ZNF385D: variants seen among roughly 807,000 people sequenced by gnomAD.
ZNF385D encodes the protein zinc finger protein 385D.
In ZNF385D, 15 loss-of-function variants were observed where a neutral mutation model predicts 35.8. The ratio of observed to expected loss-of-function variants is 0.42; its 90% CI spans 0.28 to 0.64. The LOEUF (loss-of-function observed/expected upper bound fraction) is 0.64. ZNF385D is among the 30% of genes least tolerant of loss of function. The pLI is 0.23. For synonymous variants in ZNF385D, 212 were observed against 186.8 expected (o/e 1.13, Z -1.10); for missense variants, 474 against 494.6 (o/e 0.96, Z 0.39).
At chr3:22,193,226 C>G (rs1696178503) in intron 2 of ZNF385D, among the ~76,000 whole-genome samples, 2 of 152,094 alleles carry the variant, frequency 1.3e-5, no homozygotes, top group Admixed American at 1.3e-4. Flanking sequence ...CCCCTCCAGG[C>G]AGAATAAACT....
Position 21,926,139 on chromosome 3 carries a change from A to AT in ZNF385D, c.325+242677dup, listed in dbSNP as rs35636661. On this transcript the variant is annotated intron_variant, in intron 3 of 5. Coordinates refer to the ZNF385D transcript ENST00000494108. ...GCAGTTTGGATATTTGCCCTCTCCA[A>AT]TTTTTTTTTTTATACTTTAAGTTCT... Among the ~76,000 whole-genome samples, 97 of 148,286 alleles carry AT rather than the reference A, an allele frequency of 6.5e-4. No homozygotes were observed. In the South Asian group the frequency reaches 7.7e-3, roughly 12 times the overall value.
chr3:21,578,704 A>C (rs910234132), intron 2 of ZNF385D, among the ~76,000 whole-genome samples: 2 of 152,096 alleles, frequency 1.3e-5, no homozygotes, highest in Admixed American at 6.6e-5. Flanking sequence ...GCCTGCTTTC[A>C]TGCCAGAACC....
At chr3:21,702,262 T>G (rs2067717050) in intron 1 of ZNF385D, among the ~76,000 whole-genome samples, 1 of 152,206 alleles carries the variant, frequency 6.6e-6, no homozygotes, top group Non-Finnish European at 1.5e-5. Context: ...ACCTGCAGGC[T>G]TAACACCACA....
intron 3 of ZNF385D, among the ~76,000 whole-genome samples, chr3:21,921,444 T>C (rs1366109003): frequency 1.3e-5 from 2 of 152,256 alleles, no homozygotes; most frequent in South Asian, 2.1e-4. Context: ...ACAAGATATG[T>C]CACATTACTT....
At chr3:21,919,372 G>T (rs1700344259) in intron 3 of ZNF385D, among the ~76,000 whole-genome samples, 1 of 152,204 alleles carries the variant, frequency 6.6e-6, no homozygotes, top group African/African-American at 2.4e-5. Context: ...GCCTTTCTAG[G>T]ATGGAATGTT....
chr3:22,097,162 G>T (rs188220523), intron 3 of ZNF385D, among the ~76,000 whole-genome samples: 2 of 152,086 alleles, frequency 1.3e-5, no homozygotes, highest in Admixed American at 1.3e-4. Context: ...CATGAGCTGC[G>T]CTTGCAGAAT....
At chr3:21,901,213 G>C (rs1252894569) in intron 3 of ZNF385D, among the ~76,000 whole-genome samples, 3 of 152,144 alleles carry the variant, frequency 2.0e-5, no homozygotes, top group African/African-American at 7.2e-5. Flanking sequence ...TTAAATCCTT[G>C]TGATCCCCCT....
At chr3:21,906,519 G>A (rs1699691089) in intron 3 of ZNF385D, among the ~76,000 whole-genome samples, 1 of 152,114 alleles carries the variant, frequency 6.6e-6, no homozygotes, top group African/African-American at 2.4e-5. Flanking sequence ...GATGGATCCA[G>A]TTTTTGCCTC....
intron 2 of ZNF385D, among the ~76,000 whole-genome samples, chr3:21,576,367 G>A (rs1354411954): frequency 6.6e-6 from 1 of 152,166 alleles, no homozygotes; most frequent in Non-Finnish European, 1.5e-5. Flanking sequence ...TTTCTGCTAT[G>A]GCTGTTTCCC....
intron 3 of ZNF385D, among the ~76,000 whole-genome samples, chr3:21,795,496 G>C (rs968628114): frequency 2.0e-5 from 3 of 152,220 alleles, no homozygotes; most frequent in East Asian, 1.9e-4. Context: ...GACAGTGAGG[G>C]AGACAATGTA....
At chr3:22,155,931 C>A (rs1278949827) in intron 3 of ZNF385D, among the ~76,000 whole-genome samples, 1 of 151,910 alleles carries the variant, frequency 6.6e-6, no homozygotes, top group Non-Finnish European at 1.5e-5. Context: ...TATTCAGATA[C>A]CCCAGGGTAA....
chr3:21,649,351 A>G (rs1388521482), intron 2 of ZNF385D, among the ~76,000 whole-genome samples: 1 of 152,176 alleles, frequency 6.6e-6, no homozygotes, highest in African/African-American at 2.4e-5. Context: ...ACATGGACAC[A>G]GTGTACTCCT....
At chr3:22,279,650 T>TC (rs61090952) in intron 2 of ZNF385D, among the ~76,000 whole-genome samples, 49,815 of 126,368 alleles carry the variant, frequency 0.39, 11,353 homozygotes, top group African/African-American at 0.45. Flanking sequence ...TATATATATA[T>TC]ATATGCACAC....
Position 21,484,560 on chromosome 3 carries a change from G to A in ZNF385D, c.439+26301C>T, listed in dbSNP as rs77139621. On this transcript the variant is annotated intron_variant, in intron 4 of 7. Coordinates refer to ENST00000281523, the MANE Select transcript of ZNF385D (RefSeq NM_024697.3). ...GCTTATAAAGAAGGATATGTAAAGG[G>A]TCTAGATCCATTGTCACAAGATGGG... 5.8e-3 allele frequency among the ~76,000 whole-genome samples: 882 copies of A among 152,258 alleles called. 9 individuals carry two copies. The highest frequency in any genetic ancestry group is 0.019 in the African/African-American group (804 of 41,554).
At chr3:21,810,826 G>C (rs56390728) in intron 3 of ZNF385D, among the ~76,000 whole-genome samples, 3,652 of 151,980 alleles carry the variant, frequency 0.024, 163 homozygotes, top group African/African-American at 0.083. Flanking sequence ...ATAGGACTTT[G>C]AGTATACATT....
chr3:22,307,791 A>G (rs1703316768), intron 2 of ZNF385D, among the ~76,000 whole-genome samples: 1 of 152,056 alleles, frequency 6.6e-6, no homozygotes, highest in East Asian at 1.9e-4. Context: ...TCTTAAATAC[A>G]GAAAATGTAA....
At chr3:21,867,413 G>T (rs1045044762) in intron 3 of ZNF385D, among the ~76,000 whole-genome samples, 1 of 152,110 alleles carries the variant, frequency 6.6e-6, no homozygotes, top group Admixed American at 6.6e-5. Flanking sequence ...CCATTGTGCA[G>T]CCAAGGCTGA....
chr3:21,843,139 T>G (rs545350212), intron 3 of ZNF385D, among the ~76,000 whole-genome samples: 1 of 152,164 alleles, frequency 6.6e-6, no homozygotes, highest in African/African-American at 2.4e-5. Flanking sequence ...TGTTCTTGTC[T>G]CATTTCAAGA....
chr3:22,203,274 T>C (rs755776644), intron 2 of ZNF385D, among the ~76,000 whole-genome samples: 8 of 152,192 alleles, frequency 5.3e-5, no homozygotes, highest in African/African-American at 1.2e-4. Flanking sequence ...CTGACATTTC[T>C]AGAAACACAC....
Sources: allele counts gnomAD v4.1 joint callset (sites outside exome capture counted in the v4.1 genomes callset), GRCh38; gene constraint gnomAD v4.1.1; transcripts MANE v1.5; gene names NCBI Gene and HGNC (gene_info 2026-07-23, HGNC 2026-07-21).